Variants in CCDC169 observed in about 807,000 individuals in gnomAD.
The protein encoded by CCDC169 is coiled-coil domain containing 169, also known as coiled-coil domain-containing protein 169.
Under a neutral mutation model 36.0 loss-of-function variants are expected in CCDC169, and 30 were observed. The observed-to-expected ratio is 0.83, with a 90% confidence interval of 0.62 to 1.13. The LOEUF (loss-of-function observed/expected upper bound fraction) is 1.13. Ranked by LOEUF, CCDC169 falls within the 50% of genes most tolerant of loss-of-function variation. CCDC169 has a pLI of 0.00. For missense variants in CCDC169, 245 were observed against 245.9 expected, an observed-to-expected ratio of 1.00 and a Z score of 0.03; for synonymous variants, 85 against 81.5, an observed-to-expected ratio of 1.04 and a Z score of -0.23.
At chr13:36,292,672 G>C (rs760297251) in intron 2 of CCDC169, among the ~76,000 whole-genome samples, 9 of 152,146 alleles carry the variant, frequency 5.9e-5, no homozygotes, top group Non-Finnish European at 1.3e-4. Flanking sequence ...TCTTTTGAAG[G>C]CTTTTGCTGT....
intron 4 of CCDC169, among the ~76,000 whole-genome samples, chr13:36,277,350 T>C (rs963642743): frequency 1.3e-5 from 2 of 151,774 alleles, no homozygotes; most frequent in African/African-American, 2.4e-5. Flanking sequence ...TTAGGAAAAA[T>C]AGCTAATGCA....
At chr13:36,262,811 T>TG (rs1874760852) in intron 4 of CCDC169, among the ~76,000 whole-genome samples, 3 of 152,184 alleles carry the variant, frequency 2.0e-5, no homozygotes, top group Admixed American at 1.3e-4. Context: ...GGATCAGTGA[T>TG]GGGGGTATCT....
chr13:36,270,116 G>C (rs770224789), intron 4 of CCDC169, among the ~76,000 whole-genome samples: 9 of 152,136 alleles, frequency 5.9e-5, no homozygotes, highest in Admixed American at 3.9e-4. Flanking sequence ...CAGTAGCACT[G>C]TTGCACAACA....
intron 7 of CCDC169, among the ~76,000 whole-genome samples, chr13:36,238,090 A>T (rs1016597648): frequency 6.6e-6 from 1 of 152,192 alleles, no homozygotes; most frequent in Non-Finnish European, 1.5e-5. Context: ...AACCATAAAA[A>T]CAGAAAGCAG....
intron 4 of CCDC169, chr13:36,281,045 G>A (rs1357209005): frequency 3.2e-6 from 1 of 312,146 alleles, no homozygotes; most frequent in African/African-American, 2.2e-5. Flanking sequence ...AAGGGGAGTA[G>A]ACGTGACCGG....
At chr13:36,283,732 A>T (rs1162095174) in intron 2 of CCDC169, 30 bp from the exon 3 acceptor site, 1 of 1,443,938 alleles carries the variant, frequency 6.9e-7, no homozygotes, top group East Asian at 2.5e-5. Flanking sequence ...AACAATCAAG[A>T]TCACCCCACC....
chr13:36,270,666 T>C (rs147048460), intron 4 of CCDC169, among the ~76,000 whole-genome samples: 1 of 152,168 alleles, frequency 6.6e-6, no homozygotes, highest in African/African-American at 2.4e-5. Context: ...AAACATAACT[T>C]AGGGAATGGA....
chr13:36,290,720 T>G (rs1445277333), intron 2 of CCDC169, among the ~76,000 whole-genome samples: 1 of 152,134 alleles, frequency 6.6e-6, no homozygotes, highest in Non-Finnish European at 1.5e-5. Flanking sequence ...AATCTTATTT[T>G]TTGAGTTTTG....
At chr13:36,234,825 T>C (rs1593991214) in intron 7 of CCDC169, among the ~76,000 whole-genome samples, 1 of 152,096 alleles carries the variant, frequency 6.6e-6, no homozygotes, top group Admixed American at 6.5e-5. Context: ...AAAAAAATAG[T>C]AGAGACTTTT....
chr13:36,249,286 A>T (rs943956522), intron 6 of CCDC169, among the ~76,000 whole-genome samples: 3 of 152,210 alleles, frequency 2.0e-5, no homozygotes, highest in Admixed American at 6.5e-5. Flanking sequence ...CTTTTAAAGG[A>T]TAGGACAATT....
chr13:36,265,802 A>G (rs1875222890), intron 4 of CCDC169, among the ~76,000 whole-genome samples: 1 of 152,168 alleles, frequency 6.6e-6, no homozygotes, highest in Non-Finnish European at 1.5e-5. Context: ...TATTTCAATT[A>G]TGTACTTGGT....
chr13:36,292,160 C>A (rs1878982958), intron 2 of CCDC169, among the ~76,000 whole-genome samples: 1 of 151,832 alleles, frequency 6.6e-6, no homozygotes, highest in Non-Finnish European at 1.5e-5. Context: ...ACTAATTTTT[C>A]TTTTGTTATT....
intron 7 of CCDC169, among the ~76,000 whole-genome samples, chr13:36,235,564 G>A (rs1870971119): frequency 6.6e-6 from 1 of 151,528 alleles, no homozygotes; most frequent in African/African-American, 2.4e-5. Context: ...CTAAGATAAG[G>A]AACAAGTTAA....
At chr13:36,248,821 A>C in intron 6 of CCDC169, 139 bp from the exon 7 acceptor site, 1 of 717,002 alleles carries the variant, frequency 1.4e-6, no homozygotes, top group Non-Finnish European at 2.3e-6. Context: ...GAAAAATGGG[A>C]AATTCTGGCC....
chr13:36,264,651 T>C (rs576524833), intron 4 of CCDC169, among the ~76,000 whole-genome samples: 1 of 152,316 alleles, frequency 6.6e-6, no homozygotes, highest in African/African-American at 2.4e-5. Context: ...GGCTTAAAAA[T>C]TTTTAATATA....
At chr13:36,267,760 A>T (rs554190761) in intron 4 of CCDC169, among the ~76,000 whole-genome samples, 1 of 152,302 alleles carries the variant, frequency 6.6e-6, no homozygotes, top group East Asian at 1.9e-4. Flanking sequence ...GTGCAAAAAG[A>T]TATTCCACGC....
At chr13:36,285,100 G>GT (rs1423365548) in intron 2 of CCDC169, among the ~76,000 whole-genome samples, 1 of 152,060 alleles carries the variant, frequency 6.6e-6, no homozygotes, top group Admixed American at 6.6e-5. Context: ...TCCTAACATG[G>GT]TAACGGATTC....
At chr13:36,280,711 A>G (rs1184117574) in intron 4 of CCDC169, 1 of 152,224 alleles carries the variant, frequency 6.6e-6, no homozygotes, top group African/African-American at 2.4e-5. Context: ...AACTGTCTAC[A>G]GTGGATATGT....
chr13:36,268,170 A>G (rs528651337), intron 4 of CCDC169, among the ~76,000 whole-genome samples: 12 of 152,198 alleles, frequency 7.9e-5, no homozygotes, highest in Admixed American at 7.9e-4. Context: ...CAGAGTATAC[A>G]TTCTTCTCAT....
Sources: allele counts gnomAD v4.1 joint callset (sites outside exome capture counted in the v4.1 genomes callset), GRCh38; gene constraint gnomAD v4.1.1; transcripts MANE v1.5; gene names NCBI Gene and HGNC (gene_info 2026-07-23, HGNC 2026-07-21).